Variants in SETBP1 observed in about 807,000 individuals in gnomAD.
The protein encoded by SETBP1 is SET binding protein 1.
In SETBP1, 9 loss-of-function variants were observed where a neutral mutation model predicts 101.0. The observed-to-expected ratio is 0.09, with a 90% CI of 0.05 to 0.16. The LOEUF is 0.16. Ranked by LOEUF, SETBP1 falls within the 10% of genes least tolerant of loss-of-function variation. SETBP1 has a pLI of 1.00. For missense variants in SETBP1, 1,858 were observed against 2,033.8 expected, an observed-to-expected ratio of 0.91 and a Z score of 1.66; for synonymous variants, 818 against 788.5, an observed-to-expected ratio of 1.04 and a Z score of -0.63.
At chr18:44,903,978 T>G (rs2070112678) in intron 3 of SETBP1, among the ~76,000 whole-genome samples, 1 of 152,210 alleles carries the variant, frequency 6.6e-6, no homozygotes, top group African/African-American at 2.4e-5. Flanking sequence ...AAAGGTCTTT[T>G]AGGCCAGGAG....
chr18:44,739,902 T>G (rs1310046441), intron 2 of SETBP1, among the ~76,000 whole-genome samples: 1 of 152,168 alleles, frequency 6.6e-6, no homozygotes, highest in East Asian at 1.9e-4. Flanking sequence ...TGTGACCTTC[T>G]ATGAAGATCA....
intron 3 of SETBP1, among the ~76,000 whole-genome samples, chr18:44,920,322 A>G (rs968703061): frequency 4.6e-5 from 7 of 152,156 alleles, no homozygotes; most frequent in Non-Finnish European, 1.0e-4. Context: ...TAAATTTCCA[A>G]TATCTGGGTT....
intron 2 of SETBP1, among the ~76,000 whole-genome samples, chr18:44,760,993 T>C (rs1267556790): frequency 6.6e-6 from 1 of 152,230 alleles, no homozygotes; most frequent in African/African-American, 2.4e-5. Flanking sequence ...GAAATGATTA[T>C]AAAAATGGTT....
At chr18:44,980,484 TA>T (rs146319182) in intron 4 of SETBP1, among the ~76,000 whole-genome samples, 5,242 of 143,140 alleles carry the variant, frequency 0.037, 242 homozygotes, top group African/African-American at 0.11. Context: ...TCTTCTGCTT[TA>T]AAAAAAAAAA....
chr18:44,719,390 G>A (rs1191426127), intron 2 of SETBP1, among the ~76,000 whole-genome samples: 1 of 152,136 alleles, frequency 6.6e-6, no homozygotes, highest in Non-Finnish European at 1.5e-5. Flanking sequence ...CGTATGGGCG[G>A]CACCAGGATT....
rs572620815 is a variant in SETBP1 at position 44,917,251 on chromosome 18, A to G, written c.541-32630A>G. ...TTACTTGCTGCATGTCAGTTTCCTTATTTGTAAAACGAAAAGGTGGTGAGT... is the reference window on the plus strand; with the variant it reads ...TTACTTGCTGCATGTCAGTTTCCTTGTTTGTAAAACGAAAAGGTGGTGAGT... On this transcript the variant is annotated intron_variant, in intron 3 of 5. Transcript: ENST00000649279. 3.9e-5 allele frequency among the ~76,000 whole-genome samples: 6 copies of G among 152,232 alleles called. No homozygotes were observed. The South Asian group carries it at 1.2e-3, about 32-fold the overall frequency.
At chr18:45,032,641 G>A (rs1031845341) in intron 4 of SETBP1, among the ~76,000 whole-genome samples, 5 of 152,174 alleles carry the variant, frequency 3.3e-5, no homozygotes, top group Non-Finnish European at 7.3e-5. Flanking sequence ...CATGGGAGGA[G>A]AATGGGGATA....
chr18:44,800,467 A>G (rs762865083), intron 2 of SETBP1, among the ~76,000 whole-genome samples: 2 of 152,176 alleles, frequency 1.3e-5, no homozygotes, highest in Non-Finnish European at 2.9e-5. Flanking sequence ...CACGGATCCG[A>G]CAATCAAAAT....
At chr18:44,947,879 C>A (rs1278140035) in intron 3 of SETBP1, among the ~76,000 whole-genome samples, 2 of 152,196 alleles carry the variant, frequency 1.3e-5, no homozygotes, top group Non-Finnish European at 2.9e-5. Flanking sequence ...TACACTGATA[C>A]CCTAAGGAGC....
At chr18:45,043,348 T>TTC (rs1380324339) in intron 5 of SETBP1, among the ~76,000 whole-genome samples, 26 of 92,532 alleles carry the variant, frequency 2.8e-4, no homozygotes, top group African/African-American at 1.2e-3. Flanking sequence ...AGTATATCCT[T>TTC]TCTCTCTCTC....
At chr18:44,864,975 T>C (rs2069097505) in intron 2 of SETBP1, among the ~76,000 whole-genome samples, 1 of 152,068 alleles carries the variant, frequency 6.6e-6, no homozygotes. Context: ...TTCAAGGCAG[T>C]GGCTTTGAGG....
chr18:44,935,340 G>A (rs2145014932), intron 3 of SETBP1, among the ~76,000 whole-genome samples: 1 of 152,186 alleles, frequency 6.6e-6, no homozygotes, highest in Middle Eastern at 3.4e-3. Context: ...TAATATAAAG[G>A]AAAAAAGGGA....
chr18:44,710,128 T>G (rs1165505647), intron 2 of SETBP1, among the ~76,000 whole-genome samples: 1 of 152,218 alleles, frequency 6.6e-6, no homozygotes, highest in Non-Finnish European at 1.5e-5. Flanking sequence ...CCTTTTTTTC[T>G]TTTTAATAAA....
chr18:44,951,400 G>A lies in SETBP1; in HGVS notation c.2060G>A (p.Ser687Asn), dbSNP rs2145102547. The A allele has an allele frequency of 6.2e-7, 1 of 1,614,162 alleles. No individual in the cohort carries two copies. Among genetic ancestry groups the A allele is most frequent in the South Asian group, 1.1e-5 (1 of 91,078 alleles). Residue 687 changes from serine (S) to asparagine (N), a missense_variant, in exon 4 of 6, where the codon AGC (serine) becomes AAC (asparagine). Ser to Asn is a conservative substitution (Grantham distance 46). Around this residue, in one of 12 missense-constraint regions of SETBP1, gnomAD observed 111 missense variants for 119.3 expected, o/e 0.93. Transcript: ENST00000649279. The surrounding 1 kb of genome is among the most constrained non-coding windows in gnomAD (Gnocchi z 7.8). ...ILNQILSCSS[S>N]VALKAKAPPE... ...AATCAGATCTTGTCCTGTTCCAGCA[G>A]CGTTGCTCTGAAGGCAAAAGCTCCC... is the stretch of plus-strand genomic sequence containing the variant.
chr18:44,718,328 A>G (rs1292846086), intron 2 of SETBP1, among the ~76,000 whole-genome samples: 3 of 152,198 alleles, frequency 2.0e-5, no homozygotes, highest in Non-Finnish European at 4.4e-5. Context: ...ACCTTGGGTT[A>G]GCCAGGGTCC....
chr18:44,682,101 A>T (rs1290598071), intron 1 of SETBP1, among the ~76,000 whole-genome samples: 1 of 151,690 alleles, frequency 6.6e-6, no homozygotes, highest in Non-Finnish European at 1.5e-5. Flanking sequence ...TTTTCTGTAG[A>T]TTTATACTAA....
intron 3 of SETBP1, among the ~76,000 whole-genome samples, chr18:44,931,240 T>G (rs2070826780): frequency 6.6e-6 from 1 of 152,236 alleles, no homozygotes; most frequent in African/African-American, 2.4e-5. Context: ...TCCATGTAGT[T>G]GAGCGGTTTT....
chr18:44,761,543 T>G (rs56135461), intron 2 of SETBP1, among the ~76,000 whole-genome samples: 23,935 of 152,206 alleles, frequency 0.16, 2,236 homozygotes, highest in Non-Finnish European at 0.21. Flanking sequence ...TCCATGTTGA[T>G]CCTAACATTC....
chr18:44,912,005 A>C (rs1457993555), intron 3 of SETBP1, among the ~76,000 whole-genome samples: 1 of 152,100 alleles, frequency 6.6e-6, no homozygotes, highest in Non-Finnish European at 1.5e-5. Flanking sequence ...TATATAACAG[A>C]TATAACGAAA....
Sources: allele counts gnomAD v4.1 joint callset (sites outside exome capture counted in the v4.1 genomes callset), GRCh38; gene constraint gnomAD v4.1.1; regional missense constraint gnomAD v4.1.1; non-coding constraint Gnocchi (gnomAD v3.1); transcripts MANE v1.5; gene names NCBI Gene and HGNC (gene_info 2026-07-23, HGNC 2026-07-21).